Variants in SLCO5A1 observed in about 807,000 individuals in gnomAD.
SLCO5A1 encodes the protein solute carrier organic anion transporter family member 5A1, also known as organic anion transporter polypeptide-related protein 4.
In SLCO5A1, 39 loss-of-function variants were observed where a neutral mutation model predicts 65.1. That is an observed-to-expected ratio of 0.60 (90% CI 0.46 to 0.78). SLCO5A1 has a LOEUF of 0.78. Ranked by LOEUF, SLCO5A1 falls within the 30% of genes least tolerant of loss-of-function variation. The pLI is 0.00. For missense variants in SLCO5A1, 1,029 were observed against 1,069.4 expected, an observed-to-expected ratio of 0.96 and a Z score of 0.53; for synonymous variants, 438 against 415.7, an observed-to-expected ratio of 1.05 and a Z score of -0.65.
intron 2 of SLCO5A1, chr8:69,794,562 A>G: frequency 2.9e-6 from 1 of 342,812 alleles, no homozygotes; most frequent in South Asian, 2.8e-5. Context: ...ATTTGTCATA[A>G]CTATTTTATT....
intron 3 of SLCO5A1, 198 bp downstream of exon 3, chr8:69,761,545 T>TA: frequency 1.7e-6 from 1 of 576,576 alleles, no homozygotes. Flanking sequence ...TCTTGCCATG[T>TA]AAGATAACAT....
chr8:69,821,226 G>A (rs1343707298), intron 2 of SLCO5A1, among the ~76,000 whole-genome samples: 4 of 152,078 alleles, frequency 2.6e-5, no homozygotes, highest in African/African-American at 9.7e-5. Context: ...GGGCATGGTG[G>A]CGCACCCCTG....
chr8:69,694,563 C>G (rs555411833), intron 6 of SLCO5A1, among the ~76,000 whole-genome samples: 1 of 152,170 alleles, frequency 6.6e-6, no homozygotes, highest in Admixed American at 6.5e-5. Flanking sequence ...CACAAGGGCA[C>G]CCAGCCAAGG....
At chr8:69,733,643 A>G (rs962526775) in intron 5 of SLCO5A1, among the ~76,000 whole-genome samples, 6 of 152,154 alleles carry the variant, frequency 3.9e-5, no homozygotes, top group Non-Finnish European at 8.8e-5. Context: ...TGGTTCCCCC[A>G]TGCTAGTCTC....
chr8:69,707,542 T>C (rs1586707354), intron 5 of SLCO5A1, among the ~76,000 whole-genome samples: 1 of 152,118 alleles, frequency 6.6e-6, no homozygotes, highest in African/African-American at 2.4e-5. Context: ...ACAGAGACCA[T>C]GAAAGACCAT....
chr8:69,802,425 G>A (rs769618775), intron 2 of SLCO5A1, among the ~76,000 whole-genome samples: 1 of 151,492 alleles, frequency 6.6e-6, no homozygotes, highest in Non-Finnish European at 1.5e-5. Flanking sequence ...AGGATCGCTT[G>A]AACCCCGGAA....
At chr8:69,741,676 T>C (rs1390999915) in intron 4 of SLCO5A1, among the ~76,000 whole-genome samples, 2 of 152,256 alleles carry the variant, frequency 1.3e-5, no homozygotes, top group Non-Finnish European at 2.9e-5. Context: ...TATATGTCTC[T>C]GCTCCTATGT....
chr8:69,808,028 C>G (rs535660724), intron 2 of SLCO5A1, among the ~76,000 whole-genome samples: 134 of 152,218 alleles, frequency 8.8e-4, no homozygotes, highest in Middle Eastern at 3.4e-3. Context: ...TTTAAGGCTG[C>G]ATAGCATTTC....
chr8:69,694,908 A>G (rs1814432981), intron 6 of SLCO5A1, among the ~76,000 whole-genome samples: 1 of 152,204 alleles, frequency 6.6e-6, no homozygotes, highest in Admixed American at 6.5e-5. Flanking sequence ...GGTGTACTGT[A>G]ATTCATGGAT....
At chr8:69,680,023 AC>A (rs1263572088) in intron 7 of SLCO5A1, among the ~76,000 whole-genome samples, 1 of 152,238 alleles carries the variant, frequency 6.6e-6, no homozygotes, top group African/African-American at 2.4e-5. Flanking sequence ...AACTCTGGGC[AC>A]ACAGTGGGCC....
chr8:69,693,348 C>T (rs144540052), intron 6 of SLCO5A1, among the ~76,000 whole-genome samples: 6 of 152,324 alleles, frequency 3.9e-5, no homozygotes, highest in African/African-American at 1.4e-4. Flanking sequence ...AGCTCATTCT[C>T]CTAAAACATC....
intron 6 of SLCO5A1, among the ~76,000 whole-genome samples, chr8:69,687,968 T>A (rs1275707857): frequency 2.6e-5 from 4 of 152,086 alleles, no homozygotes; most frequent in Admixed American, 2.6e-4. Flanking sequence ...AATAAAAACT[T>A]ATCATGTTTT....
rs1201402709 is a variant in SLCO5A1, at chr8:69,802,537, A to G, written c.907+29230T>C. On this transcript the variant is annotated intron_variant, in intron 2 of 9. Transcript: ENST00000260126. Reference sequence around the variant, plus strand: ...AAAAACACTAAAAAAAAAAAAAAAAAGTTTTAGTGTTGTTGAAACGAATAT... The same window carrying G: ...AAAAACACTAAAAAAAAAAAAAAAAGGTTTTAGTGTTGTTGAAACGAATAT... 3.4e-5 allele frequency among the ~76,000 whole-genome samples: 5 copies of G among 148,316 alleles called. No individual in the cohort carries two copies. In the East Asian group the frequency reaches 9.9e-4, roughly 29 times the overall value.
At chr8:69,789,040 T>C (rs1025166411) in intron 2 of SLCO5A1, among the ~76,000 whole-genome samples, 4 of 152,180 alleles carry the variant, frequency 2.6e-5, no homozygotes, top group Non-Finnish European at 4.4e-5. Flanking sequence ...CCCAAACATA[T>C]GTATTTATTT....
At chr8:69,789,056 C>T (rs1441358374) in intron 2 of SLCO5A1, among the ~76,000 whole-genome samples, 1 of 152,200 alleles carries the variant, frequency 6.6e-6, no homozygotes, top group Non-Finnish European at 1.5e-5. Flanking sequence ...TATTTCCACA[C>T]ATATAGTCAT....
chr8:69,692,559 C>T (rs1814314485), intron 6 of SLCO5A1, among the ~76,000 whole-genome samples: 1 of 152,226 alleles, frequency 6.6e-6, no homozygotes, highest in African/African-American at 2.4e-5. Context: ...TGTAATAGCA[C>T]TTAGCTTAAA....
intron 4 of SLCO5A1, among the ~76,000 whole-genome samples, chr8:69,743,586 G>A (rs1173153838): frequency 6.6e-6 from 1 of 152,148 alleles, no homozygotes; most frequent in Non-Finnish European, 1.5e-5. Flanking sequence ...GCAGAGAGAC[G>A]AACTTCCTGG....
intron 2 of SLCO5A1, among the ~76,000 whole-genome samples, chr8:69,822,938 G>A (rs998469868): frequency 8.5e-5 from 13 of 152,204 alleles, no homozygotes; most frequent in African/African-American, 1.7e-4. Context: ...GGACACACTA[G>A]GGAGGTGGAA....
intron 9 of SLCO5A1, among the ~76,000 whole-genome samples, chr8:69,675,852 T>C (rs1813525441): frequency 6.6e-6 from 1 of 152,204 alleles, no homozygotes; most frequent in South Asian, 2.1e-4. Context: ...GACTGCCACT[T>C]GAGAAAAAGA....
Sources: allele counts gnomAD v4.1 joint callset (sites outside exome capture counted in the v4.1 genomes callset), GRCh38; gene constraint gnomAD v4.1.1; transcripts MANE v1.5; gene names NCBI Gene and HGNC (gene_info 2026-07-23, HGNC 2026-07-21).